Variants in SCUBE2 observed in about 807,000 individuals in gnomAD.
The protein encoded by SCUBE2 is signal peptide, CUB domain and EGF like domain containing 2, also known as signal peptide, CUB and EGF-like domain-containing protein 2.
Under a neutral mutation model 125.9 loss-of-function variants are expected in SCUBE2, and 114 were observed. That is an observed-to-expected ratio of 0.91 (90% CI 0.78 to 1.06). The LOEUF (loss-of-function observed/expected upper bound fraction) is 1.06, where lower values mean the gene tolerates loss of function less well. Among genes scored for constraint, SCUBE2 ranks in the 50% least tolerant of loss-of-function variants. SCUBE2 has a pLI of 0.00. For missense variants in SCUBE2, 1,255 were observed against 1,301.8 expected (o/e 0.96, Z 0.55); for synonymous variants, 459 against 492.9 (o/e 0.93, Z 0.91).
chr11:9,046,046 G>T (rs1001035403), intron 16 of SCUBE2, among the ~76,000 whole-genome samples: 3 of 125,680 alleles, frequency 2.4e-5, no homozygotes, highest in East Asian at 4.7e-4. Context: ...TTGCTCTGTC[G>T]CCCAGGCTGG....
At chr11:9,023,621 T>C (rs889014244) in intron 21 of SCUBE2, among the ~76,000 whole-genome samples, 1 of 152,208 alleles carries the variant, frequency 6.6e-6, no homozygotes, top group Non-Finnish European at 1.5e-5. Flanking sequence ...CTCCAACTCA[T>C]TAGAAACGCA....
chr11:9,070,006 G>A (rs928514237), intron 4 of SCUBE2, among the ~76,000 whole-genome samples: 2 of 152,136 alleles, frequency 1.3e-5, no homozygotes, highest in African/African-American at 4.8e-5. Flanking sequence ...GTGGCATTTT[G>A]GCATCCTCGT....
chr11:9,090,988 C>A (rs1862642313), intron 1 of SCUBE2, among the ~76,000 whole-genome samples: 1 of 152,162 alleles, frequency 6.6e-6, no homozygotes, highest in African/African-American at 2.4e-5. Flanking sequence ...ACTTGCCGGC[C>A]CCCAAAGAAA....
At position 9,091,421 on chromosome 11, in the gene SCUBE2, C is replaced by T; in HGVS notation, c.108G>A (p.Arg36=). Residue 36 remains arginine (R), a synonymous_variant, in exon 1 of 23, where the codon CGG becomes CGA. Transcript: ENST00000649792. This position sits in a 1 kb window ranked among gnomAD's most constrained non-coding sequence, Gnocchi z 8.5. ...CCTCCTGCGGCCCCGCGGCACGGCCCCGACCCGGCGGGACGGCCCCCGCCA... is the reference window on the plus strand; with the variant it reads ...CCTCCTGCGGCCCCGCGGCACGGCCTCGACCCGGCGGGACGGCCCCCGCCA... The part of the protein sequence containing the change: ...LLLAGAVPPG[R]GRAAGPQEDV... 2.2e-6 allele frequency: 3 copies of T among 1,333,410 alleles called. No individual in the cohort carries two copies. Among genetic ancestry groups the T allele is most frequent in the Non-Finnish European group, 2.9e-6 (3 of 1,043,910 alleles). The allele number at this position is 1,333,410 out of a possible 1,614,324, so 82.6% of individuals were successfully genotyped here.
In SCUBE2 at chr11:9,087,525, AAGAGAGAGAGAAAG is replaced by A. The variant is rs150177323; in HGVS notation, c.256+2168_256+2181del. 3.9e-3 allele frequency among the ~76,000 whole-genome samples: 590 copies of A among 151,408 alleles called. 1 individual carries two copies. The highest frequency in any genetic ancestry group is 7.3e-3 in the Non-Finnish European group (494 of 67,816). On this transcript the variant is annotated intron_variant, in intron 2 of 22. Transcript: ENST00000649792. ...CCATGACATGGCAGGGGGAGGGGGG[AAGAGAGAGAGAAAG>A]AGAGAGAGAGCGTGAGCTACTTCAT...
Position 9,059,483 on chromosome 11 carries a change from C to G in SCUBE2, c.968-58G>C. On this transcript the variant is annotated intron_variant, in intron 8 of 22. Coordinates refer to ENST00000649792, the MANE Select transcript of SCUBE2 (RefSeq NM_001367977.2). ...GCAATACTTGCCTCATTTCCCACAA[C>G]TCCCTGAAGGGCCATTGTGTGTGTT... is the stretch of plus-strand genomic sequence containing the variant. 2.5e-6 allele frequency: 4 copies of G among 1,574,672 alleles called. No individual in the cohort carries two copies. The South Asian group carries it at 4.6e-5, about 18-fold the overall frequency.
intron 22 of SCUBE2, among the ~76,000 whole-genome samples, chr11:9,021,471 T>G (rs1168173164): frequency 6.6e-6 from 1 of 152,164 alleles, no homozygotes; most frequent in Non-Finnish European, 1.5e-5. Context: ...GATTTGGGAG[T>G]ATTTGTAGGA....
At chr11:9,053,534 C>T in intron 11 of SCUBE2, 103 bp downstream of exon 11, 1 of 1,339,540 alleles carries the variant, frequency 7.5e-7, no homozygotes, top group Non-Finnish European at 1.0e-6. Context: ...GTGGGGAAGT[C>T]AGTGGAGGGA....
At chr11:9,021,808 A>C in intron 22 of SCUBE2, 68 bp downstream of exon 22, 1 of 1,192,924 alleles carries the variant, frequency 8.4e-7, no homozygotes, top group East Asian at 2.3e-5. Context: ...CAGGAGGAGA[A>C]GCCTTCTCCA....
chr11:9,068,548 G>C lies in SCUBE2; in HGVS notation c.643+822C>G, dbSNP rs545730690. ...AGTCAACCCAGAGCTATACAGCTGA[G>C]GAAAGTGCTGTGGGAGCCAAAGTAC... On this transcript the variant is annotated intron_variant, in intron 5 of 22. Coordinates refer to ENST00000649792, the MANE Select transcript of SCUBE2 (RefSeq NM_001367977.2). Among the ~76,000 whole-genome samples, 62 of 152,290 alleles carry C rather than the reference G, an allele frequency of 4.1e-4. No homozygotes were observed. The South Asian group carries it at 0.011, about 28-fold the overall frequency.
intron 19 of SCUBE2, among the ~76,000 whole-genome samples, chr11:9,028,782 A>C (rs1306900336): frequency 6.6e-6 from 1 of 152,184 alleles, no homozygotes; most frequent in Non-Finnish European, 1.5e-5. Context: ...TAAGGCTCCC[A>C]TGGGGCCAAC....
At chr11:9,054,707 A>G (rs1858838112) in intron 10 of SCUBE2, among the ~76,000 whole-genome samples, 1 of 60,592 alleles carries the variant, frequency 1.7e-5, no homozygotes, top group East Asian at 5.5e-4. Context: ...TAGTGTATAT[A>G]TATATATATA....
Position 9,033,718 on chromosome 11 carries a change from T to C in SCUBE2, c.2081A>G (p.Glu694Gly), listed in dbSNP as rs1856515353. ...ILCPNGTFQN[E>G]EGQMTCEPCP... ...TGGTTCACAAGTCATTTGTCCTTCCTCATTTTGGAAGGTTCCATTTGGACA... is the reference window on the plus strand; with the variant it reads ...TGGTTCACAAGTCATTTGTCCTTCCCCATTTTGGAAGGTTCCATTTGGACA... Residue 694 changes from glutamate to glycine, a missense_variant, in exon 17 of 23, where the codon GAG (glutamate) becomes GGG (glycine). Transcript: ENST00000649792. The C allele has an allele frequency of 6.2e-7, 1 of 1,614,138 alleles. No individual in the cohort carries two copies. The highest frequency in any genetic ancestry group is 2.2e-5 in the East Asian group (1 of 44,884).
At chr11:9,082,210 A>ATGTT (rs1287199920) in intron 2 of SCUBE2, among the ~76,000 whole-genome samples, 1 of 152,232 alleles carries the variant, frequency 6.6e-6, no homozygotes, top group Non-Finnish European at 1.5e-5. Context: ...GAACATTAAC[A>ATGTT]GTTCTCTACC....
intron 9 of SCUBE2, among the ~76,000 whole-genome samples, chr11:9,057,047 A>T (rs1019296103): frequency 1.3e-5 from 2 of 152,248 alleles, no homozygotes; most frequent in Admixed American, 1.3e-4. Flanking sequence ...AAGACCGATC[A>T]GTGAAAAATG....
intron 17 of SCUBE2, chr11:9,031,225 CA>C: frequency 4.1e-6 from 1 of 242,092 alleles, no homozygotes. Context: ...TAGGCCTACA[CA>C]CTGCCTAGGC....
chr11:9,056,230 C>A (rs999784277), intron 9 of SCUBE2, among the ~76,000 whole-genome samples: 3 of 152,176 alleles, frequency 2.0e-5, no homozygotes, highest in African/African-American at 7.2e-5. Flanking sequence ...AGATAACATA[C>A]CTAAAAAGGG....
chr11:9,059,394 A>G lies in SCUBE2; in HGVS notation c.999T>C (p.Gly333=), dbSNP rs757958781. The part of the protein sequence containing the change: ...DIDECQTRNG[G]CDHFCKNIVG... ...CGATGTTTTTGCAGAAATGATCACA[A>G]CCTCCATTGCGGGTCTGGCACTCAT... The change falls in exon 9 of 23, where the codon GGT becomes GGC. Residue 333 remains glycine (G), a synonymous_variant. Coordinates refer to ENST00000649792, the MANE Select transcript of SCUBE2 (RefSeq NM_001367977.2). 2.5e-6 allele frequency: 4 copies of G among 1,613,972 alleles called. No homozygotes were observed. The East Asian group carries it at 6.7e-5, about 27-fold the overall frequency.
At chr11:9,066,407 C>T (rs1020687093) in intron 6 of SCUBE2, among the ~76,000 whole-genome samples, 5 of 152,192 alleles carry the variant, frequency 3.3e-5, no homozygotes, top group African/African-American at 1.2e-4. Flanking sequence ...GCTCTAACTT[C>T]GTGCTGCCCT....
Sources: gnomAD v4.1 joint callset for allele counts (sites outside exome capture counted in the v4.1 genomes callset) on GRCh38, gnomAD v4.1.1 for gene constraint, Gnocchi (gnomAD v3.1) non-coding constraint, MANE v1.5 for transcripts, NCBI Gene and HGNC (gene_info 2026-07-23, HGNC 2026-07-21) for gene names.